The following AMOTL1 variants were observed in gnomAD, a reference collection of about 807,000 sequenced individuals.
The protein encoded by AMOTL1 is angiomotin like 1.
A neutral mutation model predicts 102.9 loss-of-function variants in AMOTL1; 45 were observed. The ratio of observed to expected loss-of-function variants is 0.44; its 90% CI spans 0.34 to 0.56. AMOTL1 has a LOEUF of 0.56. Among genes scored for constraint, AMOTL1 ranks in the 20% least tolerant of loss-of-function variants. The pLI is 0.01. For missense variants in AMOTL1, 1,114 were observed against 1,225.6 expected (o/e 0.91, Z 1.36); for synonymous variants, 481 against 484.7 (o/e 0.99, Z 0.10).
Position 94,734,053 on chromosome 11 carries a change from A to G in AMOTL1, c.85+4998A>G, listed in dbSNP as rs1009835644. The stretch of plus-strand genomic sequence containing the variant: ...AATTTATTTATATATTTCCCAAAAC[A>G]CCTTGCTTTTGTTGATAGCACCTCC... On this transcript the variant is annotated intron_variant, in intron 2 of 4. Transcript: ENST00000299004. Among the ~76,000 whole-genome samples, 17 of 152,302 alleles carry G rather than the reference A, an allele frequency of 1.1e-4. No individual in the cohort carries two copies. In the East Asian group the frequency reaches 1.7e-3, roughly 16 times the overall value.
chr11:94,719,856 C>A (rs1272212048), intron 1 of AMOTL1, among the ~76,000 whole-genome samples: 1 of 152,158 alleles, frequency 6.6e-6, no homozygotes, highest in Non-Finnish European at 1.5e-5. Context: ...TATTTCTCAA[C>A]TGTGGCTCCA....
intron 3 of AMOTL1, among the ~76,000 whole-genome samples, chr11:94,816,866 T>C (rs974465939): frequency 2.0e-5 from 3 of 152,126 alleles, no homozygotes; most frequent in Admixed American, 6.6e-5. Context: ...CCAGAGACTA[T>C]TGTGGAAGAG....
chr11:94,821,948 T>G, intron 4 of AMOTL1, 127 bp downstream of exon 4: 1 of 1,248,012 alleles, frequency 8.0e-7, no homozygotes, highest in Non-Finnish European at 1.1e-6. Flanking sequence ...TGCAAGGCTT[T>G]AGGGAGATGA....
At chr11:94,868,873 ATAAT>A (rs1475861412) in intron 11 of AMOTL1, among the ~76,000 whole-genome samples, 1 of 151,864 alleles carries the variant, frequency 6.6e-6, no homozygotes, top group Non-Finnish European at 1.5e-5. Context: ...CACCCTGTGA[ATAAT>A]TTATTTGTAT....
At chr11:94,729,107 C>G in intron 2 of AMOTL1, 1 of 1,218,622 alleles carries the variant, frequency 8.2e-7, no homozygotes, top group Non-Finnish European at 1.1e-6. Context: ...AGCTTCTGCA[C>G]CTCATTATGT....
intron 6 of AMOTL1, among the ~76,000 whole-genome samples, chr11:94,837,959 G>A (rs1354190878): frequency 6.6e-6 from 1 of 152,092 alleles, no homozygotes; most frequent in South Asian, 2.1e-4. Flanking sequence ...ATTTCTTCTG[G>A]CATCAGGGAA....
intron 1 of AMOTL1, among the ~76,000 whole-genome samples, chr11:94,719,588 G>A (rs1013410931): frequency 2.0e-5 from 3 of 150,664 alleles, no homozygotes; most frequent in Admixed American, 6.7e-5. Context: ...GTGTGTGTGT[G>A]AGAGAGAGAG....
At chr11:94,747,010 A>G (rs899601755) in intron 3 of AMOTL1, among the ~76,000 whole-genome samples, 12 of 151,978 alleles carry the variant, frequency 7.9e-5, no homozygotes, top group Admixed American at 2.0e-4. Context: ...TTGTTGTAAC[A>G]GTGCCTTGAG....
At chr11:94,726,005 T>G (rs955078181) in intron 1 of AMOTL1, among the ~76,000 whole-genome samples, 8 of 152,126 alleles carry the variant, frequency 5.3e-5, no homozygotes, top group African/African-American at 1.7e-4. Context: ...TAGTGAGAGA[T>G]GATGGCAGTT....
At position 94,757,629 on chromosome 11, in the gene AMOTL1, A is replaced by G. The variant is rs1950742782; in HGVS notation, c.136+16641A>G. ...GCTTAGTAGCAAATTCAGGCCACTA[A>G]GAGTCCCCAGGAGTCTGTGAAAACT... On this transcript the variant is annotated intron_variant, in intron 3 of 4. Coordinates refer to the AMOTL1 transcript ENST00000299004. Among the ~76,000 whole-genome samples, 2 of 152,226 alleles carry G rather than the reference A, an allele frequency of 1.3e-5. 1 individual carries two copies. Among genetic ancestry groups the G allele is most frequent in the South Asian group, 4.1e-4 (2 of 4,828 alleles).
rs1272227539 is a variant in AMOTL1 at position 94,876,132 on chromosome 11, G to T, written c.*5337G>T. The stretch of plus-strand genomic sequence containing the variant: ...TGTTTACATGTGATTGTGCCTAGGA[G>T]TCTGTTCACATAGAGACACCTGTAA... On this transcript the variant is annotated 3_prime_UTR_variant, in exon 13 of 13. Coordinates refer to ENST00000433060, the MANE Select transcript of AMOTL1 (RefSeq NM_130847.3). The T allele has an allele frequency of 2.0e-5, 3 of 152,664 alleles. No homozygotes were observed. The highest frequency in any genetic ancestry group is 7.2e-5 in the African/African-American group (3 of 41,456). The allele number at this position is 152,664 out of a possible 1,614,324, so 9.5% of individuals were successfully genotyped here.
At chr11:94,733,622 A>G (rs1950389848) in intron 2 of AMOTL1, among the ~76,000 whole-genome samples, 1 of 152,248 alleles carries the variant, frequency 6.6e-6, no homozygotes, top group Admixed American at 6.5e-5. Context: ...TCTGCCTTAG[A>G]TGCTGGGTTG....
At chr11:94,735,955 C>G (rs1324081154) in intron 2 of AMOTL1, among the ~76,000 whole-genome samples, 1 of 152,046 alleles carries the variant, frequency 6.6e-6, no homozygotes. Flanking sequence ...TCCCAAAAGC[C>G]CATCAACTCA....
chr11:94,780,311 C>T (rs1444067175), intron 1 of AMOTL1, among the ~76,000 whole-genome samples: 1 of 152,172 alleles, frequency 6.6e-6, no homozygotes, highest in Non-Finnish European at 1.5e-5. Flanking sequence ...ACTTGCATGC[C>T]AAGGTGGCCA....
chr11:94,868,955 AAC>A (rs1491534578), intron 11 of AMOTL1, among the ~76,000 whole-genome samples: 1 of 151,612 alleles, frequency 6.6e-6, no homozygotes, highest in African/African-American at 2.4e-5. Context: ...AAAAAAAAAA[AAC>A]AAAAAAAACA....
chr11:94,727,552 T>G (rs1009530956), intron 1 of AMOTL1, among the ~76,000 whole-genome samples: 3 of 152,146 alleles, frequency 2.0e-5, no homozygotes, highest in South Asian at 4.1e-4. Context: ...AGCCTTTGTA[T>G]ACAAAAGCAT....
chr11:94,780,659 A>C (rs1951096742), intron 1 of AMOTL1, among the ~76,000 whole-genome samples: 1 of 152,166 alleles, frequency 6.6e-6, no homozygotes, highest in African/African-American at 2.4e-5. Context: ...CAGAAACTAA[A>C]ATTTACCGAG....
intron 1 of AMOTL1, among the ~76,000 whole-genome samples, chr11:94,716,521 C>G (rs1438035413): frequency 6.6e-6 from 1 of 152,056 alleles, no homozygotes; most frequent in Admixed American, 6.6e-5. Context: ...CGTATAAGTT[C>G]TGGTCTACTT....
At chr11:94,751,700 TAA>T (rs34946180) in intron 3 of AMOTL1, among the ~76,000 whole-genome samples, 13,982 of 135,204 alleles carry the variant, frequency 0.1, 1,364 homozygotes, top group East Asian at 0.29. Flanking sequence ...CTGCTTTGGC[TAA>T]AAAAAAAAAA....
Sources: gnomAD v4.1 joint callset for allele counts (sites outside exome capture counted in the v4.1 genomes callset) on GRCh38, gnomAD v4.1.1 for gene constraint, MANE v1.5 for transcripts, NCBI Gene and HGNC (gene_info 2026-07-23, HGNC 2026-07-21) for gene names.